Variants in SEC61A2 observed in about 807,000 individuals in gnomAD.
SEC61A2 encodes SEC61 translocon subunit alpha 2, also known as protein transport protein Sec61 subunit alpha isoform 2.
SEC61A2 carries 28 observed loss-of-function variants against 59.9 expected under a neutral mutation model. That is an observed-to-expected ratio of 0.47 (90% CI 0.35 to 0.64). SEC61A2 has a LOEUF of 0.64. Ranked by LOEUF, SEC61A2 falls within the 30% of genes least tolerant of loss-of-function variation. The pLI, the probability that SEC61A2 is intolerant of heterozygous loss-of-function variation, is 0.01. For missense variants in SEC61A2, 340 were observed against 585.9 expected, an observed-to-expected ratio of 0.58 and a Z score of 4.33; for synonymous variants, 202 against 214.4, an observed-to-expected ratio of 0.94 and a Z score of 0.50.
In SEC61A2 at chr10:12,133,322, T is replaced by G. The variant is rs374404206; in HGVS notation, c.75+14T>G. 7.3e-7 allele frequency: 1 copy of G among 1,378,960 alleles called. No homozygotes were observed. The highest frequency in any genetic ancestry group is 1.4e-5 in the African/African-American group (1 of 70,030). The allele number at this position is 1,378,960 out of a possible 1,614,324, so 85.4% of individuals were successfully genotyped here. A position where few individuals can be genotyped will look rare whatever the true frequency, so the allele number is the denominator to read the frequency against. On this transcript the variant is annotated intron_variant, in intron 2 of 11. Transcript: ENST00000298428. ...CCGGAAAGGAAAGTAAGTATAATATTTTAGTAATATAGAGGGTAGCTCAAG... is the reference window on the plus strand; with the variant it reads ...CCGGAAAGGAAAGTAAGTATAATATGTTAGTAATATAGAGGGTAGCTCAAG...
intron 8 of SEC61A2, among the ~76,000 whole-genome samples, 171 bp from the exon 9 acceptor site, chr10:12,157,737 G>A (rs1489778061): frequency 6.6e-6 from 1 of 151,992 alleles, no homozygotes; most frequent in African/African-American, 2.4e-5. Flanking sequence ...TCCTGACCTC[G>A]TGATCTGCCC....
At chr10:12,135,384 T>C (rs377460410) in intron 2 of SEC61A2, among the ~76,000 whole-genome samples, 119 of 152,168 alleles carry the variant, frequency 7.8e-4, no homozygotes, top group African/African-American at 2.8e-3. Context: ...AACTGAAAAA[T>C]CTAGATTTGA....
chr10:12,169,476 C>G, downstream of SEC61A2: 1 of 586,674 alleles, frequency 1.7e-6, no homozygotes, highest in Non-Finnish European at 3.0e-6. This position sits in a 1 kb window ranked among gnomAD's most constrained non-coding sequence, Gnocchi z 4.8. Flanking sequence ...TAATTATGGT[C>G]CGCGGAGCCT....
intron 11 of SEC61A2, among the ~76,000 whole-genome samples, chr10:12,163,675 G>C (rs1429691857): frequency 6.6e-6 from 1 of 151,938 alleles, no homozygotes; most frequent in African/African-American, 2.4e-5. Flanking sequence ...AGCATCATTT[G>C]TTGAAAAGGC....
At position 12,155,911 on chromosome 10, in the gene SEC61A2, C is replaced by G. The variant is rs1834386619; in HGVS notation, c.596C>G (p.Thr199Ser). ...ATTGTCTGGAAGGCCTTTAGTCCCA[C>G]TACCATTAACACTGGCAGAGGTACA... Reference protein sequence around the residue: ...ETIVWKAFSPTTINTGRGTEF... With the variant: ...ETIVWKAFSPSTINTGRGTEF... The change falls in exon 7 of 12, where the codon ACT becomes AGT. Residue 199 changes from threonine to serine, a missense_variant. Physicochemically the swap from Thr to Ser is moderately conservative, Grantham distance 58. Around this residue, in one of 3 missense-constraint regions of SEC61A2, gnomAD observed 283 missense variants for 483.2 expected, o/e 0.59. Transcript: ENST00000298428. This position sits in a 1 kb window ranked among gnomAD's most constrained non-coding sequence, Gnocchi z 4.3. 1 of 1,614,266 alleles carries G rather than the reference C, an allele frequency of 6.2e-7. No homozygotes were observed.
At chr10:12,151,739 G>A (rs1230491848) in intron 6 of SEC61A2, among the ~76,000 whole-genome samples, 12 of 152,104 alleles carry the variant, frequency 7.9e-5, no homozygotes, top group African/African-American at 2.4e-5. Context: ...GCATGGTTGA[G>A]CATTCTGGTT....
At position 12,162,130 on chromosome 10, in the gene SEC61A2, G is replaced by GTT; in HGVS notation, c.1168-83_1168-82insTT. 1 of 1,016,630 alleles carries GTT rather than the reference G, an allele frequency of 9.8e-7. No homozygotes were observed. The highest frequency in any genetic ancestry group is 1.3e-5 in the South Asian group (1 of 75,892). The allele number at this position is 1,016,630 out of a possible 1,614,324, so 63.0% of individuals were successfully genotyped here. On this transcript the variant is annotated intron_variant, in intron 10 of 11. Transcript: ENST00000298428. The surrounding 1 kb of genome is among the most constrained non-coding windows in gnomAD (Gnocchi z 6.1). ...TATTGTATGTTACGTGTTAGTGTGT[G>GTT]GCGAGCACTTCGCATAGAACGTGGT...
chr10:12,137,024 C>T (rs1004616226), intron 3 of SEC61A2, among the ~76,000 whole-genome samples: 1 of 152,150 alleles, frequency 6.6e-6, no homozygotes, highest in Non-Finnish European at 1.5e-5. Context: ...CCTCAGCCTC[C>T]CAAATTGCTG....
Position 12,129,763 on chromosome 10 carries a change from C to T in SEC61A2, c.-25C>T, listed in dbSNP as rs1157755183. 1 of 1,488,114 alleles carries T rather than the reference C, an allele frequency of 6.7e-7. No homozygotes were observed. 92.2% of individuals were successfully genotyped at this position (1,488,114 alleles called of 1,614,324 possible). A position where few individuals can be genotyped will look rare whatever the true frequency, so the allele number is the denominator to read the frequency against. ...AAGGCAGCGCCGAGGCCGCGGTTTCCCCCTGGGCCTCCCCAGCAGCAGCCA... is the reference window on the plus strand; with the variant it reads ...AAGGCAGCGCCGAGGCCGCGGTTTCTCCCTGGGCCTCCCCAGCAGCAGCCA... On this transcript the variant is annotated 5_prime_UTR_variant, in exon 1 of 12. Transcript: ENST00000298428. This position sits in a 1 kb window ranked among gnomAD's most constrained non-coding sequence, Gnocchi z 5.6.
chr10:12,146,139 G>C (rs1231220006), intron 4 of SEC61A2, among the ~76,000 whole-genome samples: 1 of 152,112 alleles, frequency 6.6e-6, no homozygotes, highest in Admixed American at 6.5e-5. Flanking sequence ...TCCTGCCTCA[G>C]CCTCCTGAAT....
chr10:12,131,208 T>C (rs1170278828), intron 1 of SEC61A2, among the ~76,000 whole-genome samples: 1 of 152,130 alleles, frequency 6.6e-6, no homozygotes, highest in Non-Finnish European at 1.5e-5. Flanking sequence ...CTGCCCATCA[T>C]TTGTAGAGGC....
At chr10:12,163,036 T>A (rs969411524) in intron 11 of SEC61A2, among the ~76,000 whole-genome samples, 2 of 152,216 alleles carry the variant, frequency 1.3e-5, no homozygotes, top group African/African-American at 4.8e-5. Context: ...TTTTTATGAA[T>A]AATGCTGTTG....
chr10:12,134,918 CAAA>C (rs1332557081), intron 2 of SEC61A2, among the ~76,000 whole-genome samples: 3 of 83,446 alleles, frequency 3.6e-5, no homozygotes, highest in Admixed American at 1.4e-4. Flanking sequence ...GACTCTGTCT[CAAA>C]AAAAAAAAAA....
rs567267941 is a variant in SEC61A2, at chr10:12,160,819, T to C, written c.976-111T>C. ...TGAAACTACATAGAATGACTAGCTGTAGATGCCTTGAACTTAAAACACTGT... is the reference window on the plus strand; with the variant it reads ...TGAAACTACATAGAATGACTAGCTGCAGATGCCTTGAACTTAAAACACTGT... On this transcript the variant is annotated intron_variant, in intron 9 of 11. Coordinates refer to ENST00000298428, the MANE Select transcript of SEC61A2 (RefSeq NM_018144.4). This position sits in a 1 kb window ranked among gnomAD's most constrained non-coding sequence, Gnocchi z 4.1. 3.5e-6 allele frequency: 3 copies of C among 848,982 alleles called. No individual in the cohort carries two copies. The African/African-American group carries it at 5.1e-5, about 14-fold the overall frequency. 52.6% of individuals were successfully genotyped at this position (848,982 alleles called of 1,614,324 possible).
At position 12,129,930 on chromosome 10, in the gene SEC61A2, C is replaced by A; in HGVS notation, c.7+136C>A. ...GGCCGCTCCGGGCCTCAGCGGAGGGCACGGGCCGGGGGCCTCCGCCGAGGC... is the reference window on the plus strand; with the variant it reads ...GGCCGCTCCGGGCCTCAGCGGAGGGAACGGGCCGGGGGCCTCCGCCGAGGC... On this transcript the variant is annotated intron_variant, in intron 1 of 11. Coordinates refer to ENST00000298428, the MANE Select transcript of SEC61A2 (RefSeq NM_018144.4). The surrounding 1 kb of genome is among the most constrained non-coding windows in gnomAD (Gnocchi z 5.6). The A allele has an allele frequency of 1.2e-6, 1 of 818,466 alleles. No homozygotes were observed. The highest frequency in any genetic ancestry group is 1.7e-6 in the Non-Finnish European group (1 of 597,020). 50.7% of individuals were successfully genotyped at this position (818,466 alleles called of 1,614,324 possible).
At chr10:12,135,540 T>C (rs542147415) in intron 2 of SEC61A2, among the ~76,000 whole-genome samples, 1 of 152,214 alleles carries the variant, frequency 6.6e-6, no homozygotes, top group South Asian at 2.1e-4. Context: ...AAGTCTGGGC[T>C]TTGAGTGTAT....
rs1289959335 is a variant in SEC61A2, at chr10:12,153,591, CAAGTG to C, written c.463-2181_463-2177del. 6.5e-6 allele frequency: 5 copies of C among 773,154 alleles called. No individual in the cohort carries two copies. The highest frequency in any genetic ancestry group is 1.8e-5 in the African/African-American group (1 of 55,360). The allele number at this position is 773,154 out of a possible 1,614,324, so 47.9% of individuals were successfully genotyped here. A position where few individuals can be genotyped will look rare whatever the true frequency, so the allele number is the denominator to read the frequency against. ...AAATACTTACAGTCCAAGAATGAAA[CAAGTG>C]AAGTGGATGTACACTGATTCATTTA... is the stretch of plus-strand genomic sequence containing the variant. On this transcript the variant is annotated intron_variant, in intron 6 of 11. Transcript: ENST00000298428. This position sits in a 1 kb window ranked among gnomAD's most constrained non-coding sequence, Gnocchi z 5.2.
At position 12,164,598 on chromosome 10, in the gene SEC61A2, C is replaced by T. The variant is rs540761168; in HGVS notation, c.*144C>T. ...ACTGACCCGTTTCTGAAATGGGCAC[C>T]GAGCTAAGTCTGTGTGCAGCATTAG... On this transcript the variant is annotated 3_prime_UTR_variant, in exon 12 of 12. Coordinates refer to ENST00000298428, the MANE Select transcript of SEC61A2 (RefSeq NM_018144.4). This position sits in a 1 kb window ranked among gnomAD's most constrained non-coding sequence, Gnocchi z 7.3. The T allele has an allele frequency of 1.0e-5, 15 of 1,445,482 alleles. No individual in the cohort carries two copies. The highest frequency in any genetic ancestry group is 5.0e-5 in the East Asian group (2 of 40,150). The allele number at this position is 1,445,482 out of a possible 1,614,324, so 89.5% of individuals were successfully genotyped here. A position where few individuals can be genotyped will look rare whatever the true frequency, so the allele number is the denominator to read the frequency against.
chr10:12,140,537 C>G (rs1463053550), intron 3 of SEC61A2, among the ~76,000 whole-genome samples: 1 of 152,186 alleles, frequency 6.6e-6, no homozygotes, highest in African/African-American at 2.4e-5. Context: ...CTTGCTGTTT[C>G]CCACAGAGCG....
Sources: allele counts gnomAD v4.1 joint callset (sites outside exome capture counted in the v4.1 genomes callset), GRCh38; gene constraint gnomAD v4.1.1; regional missense constraint gnomAD v4.1.1; non-coding constraint Gnocchi (gnomAD v3.1); transcripts MANE v1.5; gene names NCBI Gene and HGNC (gene_info 2026-07-23, HGNC 2026-07-21).